HDGFL3: variants seen among roughly 807,000 people sequenced by gnomAD.
The protein encoded by HDGFL3 is hepatoma-derived growth factor-related protein 3.
HDGFL3 carries 6 observed loss-of-function variants against 27.6 expected under a neutral mutation model. That is an observed-to-expected ratio of 0.22 (90% CI 0.12 to 0.43). HDGFL3 has a LOEUF of 0.43. HDGFL3 is among the 20% of genes least tolerant of loss of function. The pLI is 1.00. For missense variants in HDGFL3, 207 were observed against 250.1 expected, an observed-to-expected ratio of 0.83 and a Z score of 1.16; for synonymous variants, 88 against 88.9, an observed-to-expected ratio of 0.99 and a Z score of 0.05.
intron 1 of HDGFL3, among the ~76,000 whole-genome samples, chr15:83,183,594 C>G (rs1012665486): frequency 6.6e-6 from 1 of 151,960 alleles, no homozygotes; most frequent in African/African-American, 2.4e-5. Context: ...AACCTCATCT[C>G]CACTAAAAAT....
chr15:83,195,787 A>C (rs186715670), intron 1 of HDGFL3, among the ~76,000 whole-genome samples: 6 of 152,252 alleles, frequency 3.9e-5, no homozygotes, highest in African/African-American at 1.4e-4. Context: ...AAGGGAAAAA[A>C]ATCTCCTAGG....
chr15:83,151,182 A>G, intron 5 of HDGFL3, 33 bp downstream of exon 5: 1 of 1,591,162 alleles, frequency 6.3e-7, no homozygotes, highest in South Asian at 1.1e-5. Flanking sequence ...GTCTTCTAAT[A>G]GAAGGTAAGA....
rs1292879222 is a variant in HDGFL3, at chr15:83,133,422, TA to T, written c.*5847del. ...TCTATACATGTAAGAAAACAGCTCT[TA>T]AAATTTAACCTTTGTTCACCTTATT... On this transcript the variant is annotated 3_prime_UTR_variant, in exon 6 of 6. Coordinates refer to ENST00000299633, the MANE Select transcript of HDGFL3 (RefSeq NM_016073.4). 2 of 152,224 alleles carry T rather than the reference TA, an allele frequency of 1.3e-5. No individual in the cohort carries two copies. Among genetic ancestry groups the T allele is most frequent in the Non-Finnish European group, 2.9e-5 (2 of 68,038 alleles). The allele number at this position is 152,224 out of a possible 1,614,324, so 9.4% of individuals were successfully genotyped here. A position where few individuals can be genotyped will look rare whatever the true frequency, so the allele number is the denominator to read the frequency against.
intron 1 of HDGFL3, among the ~76,000 whole-genome samples, chr15:83,189,936 A>G (rs971419679): frequency 3.3e-5 from 5 of 152,106 alleles, no homozygotes; most frequent in Non-Finnish European, 7.4e-5. Context: ...TCCATCAAAA[A>G]GCTTGGGTTC....
chr15:83,170,172 C>T (rs940236693), intron 1 of HDGFL3, among the ~76,000 whole-genome samples: 1 of 152,148 alleles, frequency 6.6e-6, no homozygotes, highest in Non-Finnish European at 1.5e-5. Context: ...CAATGCTGTT[C>T]CTATCAAACT....
chr15:83,168,007 T>C (rs1363057678), intron 1 of HDGFL3, among the ~76,000 whole-genome samples: 1 of 152,144 alleles, frequency 6.6e-6, no homozygotes, highest in East Asian at 1.9e-4. Context: ...CAAGAAGATC[T>C]CTCAAAATCA....
rs2037736727 is a variant in HDGFL3, at chr15:83,207,425, C to G, written c.-11G>C. On this transcript the variant is annotated 5_prime_UTR_variant, in exon 1 of 6. Coordinates refer to ENST00000299633, the MANE Select transcript of HDGFL3 (RefSeq NM_016073.4). This position sits in a 1 kb window ranked among gnomAD's most constrained non-coding sequence, Gnocchi z 4.8. ...CCGCGGACGCGCCATCCCAGCCGCT[C>G]CCCTTCCTGGTAGTCCTTGGTCGCC... 27 of 1,322,094 alleles carry G rather than the reference C, an allele frequency of 2.0e-5. No homozygotes were observed. The highest frequency in any genetic ancestry group is 2.4e-5 in the Non-Finnish European group (25 of 1,030,568). The allele number at this position is 1,322,094 out of a possible 1,614,324, so 81.9% of individuals were successfully genotyped here.
chr15:83,168,408 A>T (rs954524702), intron 1 of HDGFL3, among the ~76,000 whole-genome samples: 23 of 152,220 alleles, frequency 1.5e-4, no homozygotes, highest in African/African-American at 5.5e-4. Context: ...TAGATCGTTA[A>T]TAAAATTAAC....
chr15:83,191,983 C>T (rs1013094081), intron 1 of HDGFL3, among the ~76,000 whole-genome samples: 9 of 147,994 alleles, frequency 6.1e-5, no homozygotes, highest in African/African-American at 1.5e-4. Context: ...CTCTTGTCAC[C>T]CAGGCTGGAA....
chr15:83,145,989 C>A (rs911588274), intron 5 of HDGFL3, among the ~76,000 whole-genome samples: 1 of 143,150 alleles, frequency 7.0e-6, no homozygotes, highest in Non-Finnish European at 1.5e-5. Flanking sequence ...TGGCTCACTG[C>A]AACCTCTGCC....
intron 1 of HDGFL3, among the ~76,000 whole-genome samples, chr15:83,180,253 C>T (rs2037364045): frequency 6.6e-6 from 1 of 151,892 alleles, no homozygotes; most frequent in South Asian, 2.1e-4. Flanking sequence ...CGTTCAATAA[C>T]AAATTACTAA....
At position 83,136,811 on chromosome 15, in the gene HDGFL3, C is replaced by A; in HGVS notation, c.*2459G>T. 1 of 652,288 alleles carries A rather than the reference C, an allele frequency of 1.5e-6. No homozygotes were observed. The highest frequency in any genetic ancestry group is 2.4e-6 in the Non-Finnish European group (1 of 411,430). The allele number at this position is 652,288 out of a possible 1,614,324, so 40.4% of individuals were successfully genotyped here. A position where few individuals can be genotyped will look rare whatever the true frequency, so the allele number is the denominator to read the frequency against. On this transcript the variant is annotated 3_prime_UTR_variant, in exon 6 of 6. Transcript: ENST00000299633. ...TCTTGCTCTGCACTGTATGTGTGAG[C>A]TATATGGTATTGTGTAAATTTTTTT...
Position 83,129,463 on chromosome 15 carries a change from T to C in HDGFL3, c.*9807A>G, listed in dbSNP as rs183873680. 2.0e-5 allele frequency: 3 copies of C among 152,256 alleles called. No homozygotes were observed. The highest frequency in any genetic ancestry group is 1.9e-4 in the East Asian group (1 of 5,188). 9.4% of individuals were successfully genotyped at this position (152,256 alleles called of 1,614,324 possible). On this transcript the variant is annotated 3_prime_UTR_variant, in exon 6 of 6. Transcript: ENST00000299633. ...CAGAATAAACAGCACAATGGACACA[T>C]AATAATATCTTTTGTAATAGCTCTG...
intron 1 of HDGFL3, among the ~76,000 whole-genome samples, chr15:83,197,838 A>C (rs2037590145): frequency 6.6e-6 from 1 of 151,964 alleles, no homozygotes; most frequent in South Asian, 2.1e-4. Flanking sequence ...GTTCGAGACC[A>C]GCCTGCCCAA....
At chr15:83,172,088 C>A (rs987516335) in intron 1 of HDGFL3, among the ~76,000 whole-genome samples, 1 of 152,146 alleles carries the variant, frequency 6.6e-6, no homozygotes, top group African/African-American at 2.4e-5. Flanking sequence ...TGAAGGGCTC[C>A]CCTCCAAAAT....
chr15:83,149,262 T>C (rs888186508), intron 5 of HDGFL3, among the ~76,000 whole-genome samples: 1 of 152,228 alleles, frequency 6.6e-6, no homozygotes, highest in Non-Finnish European at 1.5e-5. Flanking sequence ...CACAGGATAC[T>C]AGTGCTAGCT....
chr15:83,113,142 C>T, exon 4 of HDGFL3: 1 of 560,150 alleles, frequency 1.8e-6, no homozygotes, highest in Admixed American at 3.1e-5. Flanking sequence ...GCAGGGCACC[C>T]TGCCAACCCC....
intron 1 of HDGFL3, among the ~76,000 whole-genome samples, chr15:83,204,077 G>A (rs1328831195): frequency 2.7e-5 from 4 of 149,658 alleles, no homozygotes; most frequent in Non-Finnish European, 5.9e-5. Flanking sequence ...TGAACAATGG[G>A]GGAGAAGGAA....
chr15:83,201,052 A>T lies in HDGFL3; in HGVS notation c.84+6279T>A, dbSNP rs1417135726. Among the ~76,000 whole-genome samples the T allele has an allele frequency of 2.0e-5, 3 of 152,038 alleles. No homozygotes were observed. In the East Asian group the frequency reaches 5.8e-4, roughly 29 times the overall value. The stretch of plus-strand genomic sequence containing the variant: ...ATATTTGTAACATGAAGGTCAACCC[A>T]TTCCCCCTTTTACATAGTTGCCAAT... On this transcript the variant is annotated intron_variant, in intron 1 of 5. Transcript: ENST00000299633.
Sources: allele counts gnomAD v4.1 joint callset (sites outside exome capture counted in the v4.1 genomes callset), GRCh38; gene constraint gnomAD v4.1.1; non-coding constraint Gnocchi (gnomAD v3.1); transcripts MANE v1.5; gene names NCBI Gene and HGNC (gene_info 2026-07-23, HGNC 2026-07-21).